MED16: variants seen among roughly 807,000 people sequenced by gnomAD.
MED16 encodes mediator complex subunit 16.
In MED16, 81 loss-of-function variants were observed where a neutral mutation model predicts 84.4. The observed-to-expected ratio is 0.96, with a 90% CI of 0.80 to 1.15. MED16 has a LOEUF of 1.15. Ranked by LOEUF, MED16 falls within the 50% of genes most tolerant of loss-of-function variation. The pLI is 0.00. For missense variants in MED16, 1,585 were observed against 1,245.9 expected (o/e 1.27, Z -4.10); for synonymous variants, 897 against 552.2 (o/e 1.62, Z -8.76).
intron 11 of MED16, 81 bp downstream of exon 11, chr19:873,368 G>A: frequency 6.9e-7 from 1 of 1,450,420 alleles, no homozygotes; most frequent in East Asian, 2.4e-5. Flanking sequence ...GTGGTTTTGA[G>A]GGGCAGGGGC....
chr19:877,497 G>C (rs930168045), intron 8 of MED16, among the ~76,000 whole-genome samples: 1 of 139,536 alleles, frequency 7.2e-6, no homozygotes, highest in Non-Finnish European at 1.6e-5. Context: ...TAGTTACGAA[G>C]CTCCTAATAC....
Position 886,288 on chromosome 19 carries a change from C to T in MED16, c.448-87G>A, listed in dbSNP as rs149986642. 2.4e-4 allele frequency: 292 copies of T among 1,199,914 alleles called. No homozygotes were observed. In the African/African-American group the frequency reaches 4.1e-3, roughly 17 times the overall value. 74.3% of individuals were successfully genotyped at this position (1,199,914 alleles called of 1,614,324 possible). ...CCCAGAAACACGCGCACAGAAGAAC[C>T]ACGCAGAAGCCAGGAGTGTGTGCAC... On this transcript the variant is annotated intron_variant, in intron 4 of 15. Transcript: ENST00000325464.
chr19:890,574 A>G (rs1282064558), intron 2 of MED16, among the ~76,000 whole-genome samples: 2 of 152,192 alleles, frequency 1.3e-5, no homozygotes, highest in African/African-American at 4.8e-5. Flanking sequence ...AGTTTTCTCT[A>G]ATGACCACGT....
rs1311493619 is a variant in MED16 at position 884,901 on chromosome 19, A to C, written c.985+2T>G. ...GGCCTCCGCAGCCGGCGGGAGACTC[A>C]CCCACGGGGGAGATCTGCTGGAAGA... On this transcript the variant is annotated splice_donor_variant, in intron 6 of 15. Transcript: ENST00000325464. LOFTEE classifies it high-confidence loss of function. 21 of 1,603,366 alleles carry C rather than the reference A, an allele frequency of 1.3e-5. No individual in the cohort carries two copies. Among genetic ancestry groups the C allele is most frequent in the Non-Finnish European group, 1.8e-5 (21 of 1,176,776 alleles).
At position 868,956 on chromosome 19, in the gene MED16, G is replaced by A. The variant is rs1178573333; in HGVS notation, c.2316-10C>T. ...GGGCTGGCCTGGGGCCCTGGCGGGA[G>A]AGGGGAGAACGTGAGGGAGGCCTGG... On this transcript the variant is annotated splice_polypyrimidine_tract_variant and intron_variant, in intron 13 of 15. Coordinates refer to ENST00000325464, the MANE Select transcript of MED16 (RefSeq NM_005481.3). The A allele has an allele frequency of 2.0e-6, 3 of 1,534,474 alleles. No individual in the cohort carries two copies. Among genetic ancestry groups the A allele is most frequent in the African/African-American group, 1.4e-5 (1 of 73,062 alleles).
At chr19:889,051 T>TCC (rs143513224) in intron 4 of MED16, among the ~76,000 whole-genome samples, 4 of 90,244 alleles carry the variant, frequency 4.4e-5, no homozygotes, top group Middle Eastern at 5.3e-3. Flanking sequence ...CTCTTAACTG[T>TCC]CCCCCCCAAC....
rs1236705378 is a variant in MED16 at position 886,066 on chromosome 19, G to A, written c.583C>T (p.Pro195Ser). Residue 195 changes from proline (P) to serine (S), a missense_variant, in exon 5 of 16, where the codon CCC becomes TCC. Pro to Ser is a moderately conservative substitution (Grantham distance 74). Coordinates refer to ENST00000325464, the MANE Select transcript of MED16 (RefSeq NM_005481.3). ...SGLVTVSLLKPSGQVLTSTES... is the reference protein window; with the variant it reads ...SGLVTVSLLKSSGQVLTSTES... Reference sequence around the variant, plus strand: ...GTGGACGTCAGCACCTGCCCGCTGGGCTTCAGCAGGGACACGGTGACCAGG... The same window carrying A: ...GTGGACGTCAGCACCTGCCCGCTGGACTTCAGCAGGGACACGGTGACCAGG... The A allele has an allele frequency of 3.1e-6, 5 of 1,595,768 alleles. No homozygotes were observed. In the Middle Eastern group the frequency reaches 4.9e-4, roughly 158 times the overall value.
chr19:868,164 G>A lies in MED16; in HGVS notation c.2571C>T (p.Ser857=), dbSNP rs746497509. The change falls in exon 16 of 16, where the codon TCC becomes TCT. Residue 857 remains serine (S), a synonymous_variant. Transcript: ENST00000325464. ...TGGGGGTCCTGGGAGAGTGGTGTGTGGACTGCGGGCCCAGCTGGACAAAGG... is the reference window on the plus strand; with the variant it reads ...TGGGGGTCCTGGGAGAGTGGTGTGTAGACTGCGGGCCCAGCTGGACAAAGG... The part of the protein sequence containing the change: ...APAFVQLGPQ[S]THHSPRTPRS... The A allele has an allele frequency of 1.9e-6, 3 of 1,611,548 alleles. No homozygotes were observed. The highest frequency in any genetic ancestry group is 4.5e-5 in the East Asian group (2 of 44,854).
intron 8 of MED16, among the ~76,000 whole-genome samples, chr19:878,162 GTTGT>G: frequency 7.9e-6 from 1 of 125,998 alleles, no homozygotes; most frequent in African/African-American, 3.1e-5. Flanking sequence ...CCTTCCCGTG[GTTGT>G]CAATGCCCAC....
At position 871,091 on chromosome 19, in the gene MED16, C is replaced by T. The variant is rs776518471; in HGVS notation, c.2261G>A (p.Arg754Gln). Residue 754 changes from arginine (R) to glutamine (Q), a missense_variant, in exon 13 of 16, where the codon CGG (arginine) becomes CAG (glutamine). Transcript: ENST00000325464. ...AGCACTGCCAGGCAGCGTGGGCGCC[C>T]GGCCAAACTGCAGACGAAGGGGCTG... is the stretch of plus-strand genomic sequence containing the variant. ...PKQPLRLQFG[R>Q]APTLPGSAAT... is the part of the protein sequence containing the mutation. 6.0e-5 allele frequency: 93 copies of T among 1,548,142 alleles called. No individual in the cohort carries two copies. In the Middle Eastern group the frequency reaches 8.7e-4, roughly 15 times the overall value.
At chr19:869,526 A>C (rs2145186049) in intron 13 of MED16, among the ~76,000 whole-genome samples, 1 of 152,230 alleles carries the variant, frequency 6.6e-6, no homozygotes, top group South Asian at 2.1e-4. Context: ...CTCTCTTTCC[A>C]TCAAGTCTTT....
chr19:876,506 A>AG (rs1483675013), intron 9 of MED16, among the ~76,000 whole-genome samples: 4 of 152,056 alleles, frequency 2.6e-5, no homozygotes, highest in African/African-American at 4.8e-5. Context: ...GGAGCCGTCC[A>AG]GGGGGGATCA....
At chr19:888,262 C>T (rs1382979200) in intron 4 of MED16, among the ~76,000 whole-genome samples, 1 of 151,736 alleles carries the variant, frequency 6.6e-6, no homozygotes. Flanking sequence ...TGGCTCACAC[C>T]TCTAATCCCA....
At chr19:880,324 C>T (rs1339715102) in intron 7 of MED16, among the ~76,000 whole-genome samples, 176 bp from the exon 8 acceptor site, 1 of 152,232 alleles carries the variant, frequency 6.6e-6, no homozygotes, top group Non-Finnish European at 1.5e-5. Flanking sequence ...GTTACACAGT[C>T]CCTGAGCACC....
At position 872,963 on chromosome 19, in the gene MED16, GTGGGGCAGGGCTCC is replaced by G. The variant is rs1568320930; in HGVS notation, c.1905+472_1905+485del. 959 of 837,660 alleles carry G rather than the reference GTGGGGCAGGGCTCC, an allele frequency of 1.1e-3. 274 individuals carry two copies. The highest frequency in any genetic ancestry group is 3.5e-3 in the South Asian group (122 of 34,508). 51.9% of individuals were successfully genotyped at this position (837,660 alleles called of 1,614,324 possible). A position where few individuals can be genotyped will look rare whatever the true frequency, so the allele number is the denominator to read the frequency against. On this transcript the variant is annotated intron_variant, in intron 11 of 15. Coordinates refer to ENST00000325464, the MANE Select transcript of MED16 (RefSeq NM_005481.3). Reference sequence around the variant, plus strand: ...CTCCGAGGTGGGGGAGGGCTCCGAGGTGGGGCAGGGCTCCGAGGTGGGGGAGGGCTCCGAGGTGG... The same window carrying G: ...CTCCGAGGTGGGGGAGGGCTCCGAGGGAGGTGGGGGAGGGCTCCGAGGTGG...
chr19:876,939 C>T, intron 9 of MED16, 35 bp downstream of exon 9: 10 of 1,579,560 alleles, frequency 6.3e-6, no homozygotes, highest in Non-Finnish European at 8.6e-6. Flanking sequence ...AGGGCCCCCA[C>T]CTGCCACGGG....
chr19:882,669 G>T (rs559823035), intron 6 of MED16, among the ~76,000 whole-genome samples: 23 of 152,342 alleles, frequency 1.5e-4, no homozygotes, highest in African/African-American at 2.4e-5. Flanking sequence ...GCTGCTAACC[G>T]CAGACACGTG....
intron 4 of MED16, among the ~76,000 whole-genome samples, chr19:887,544 T>G (rs1429540980): frequency 1.3e-5 from 2 of 151,942 alleles, no homozygotes; most frequent in Non-Finnish European, 2.9e-5. Context: ...TGCGTGCCTG[T>G]AATTCCAGCT....
intron 7 of MED16, 94 bp from the exon 8 acceptor site, chr19:880,242 G>T: frequency 1.6e-6 from 2 of 1,236,930 alleles, no homozygotes; most frequent in Non-Finnish European, 2.2e-6. Flanking sequence ...GGAGAGCCGG[G>T]GCTGCCCATC....
Sources: gnomAD v4.1 joint callset for allele counts (sites outside exome capture counted in the v4.1 genomes callset) on GRCh38, gnomAD v4.1.1 for gene constraint, MANE v1.5 for transcripts, NCBI Gene and HGNC (gene_info 2026-07-23, HGNC 2026-07-21) for gene names.